Variants in COL5A1 observed in about 807,000 individuals in gnomAD.
The protein encoded by COL5A1 is collagen alpha-1(V) chain.
A neutral mutation model predicts 263.7 loss-of-function variants in COL5A1; 16 were observed. The ratio of observed to expected loss-of-function variants is 0.06; its 90% CI spans 0.04 to 0.09. The LOEUF is 0.09. Among genes scored for constraint, COL5A1 ranks in the 10% least tolerant of loss-of-function variants. The probability of loss-of-function intolerance (pLI) is 1.00; values close to 1 mark genes in which losing one functional copy is unlikely to be tolerated. For missense variants in COL5A1, 2,036 were observed against 2,540.5 expected, an observed-to-expected ratio of 0.80 and a Z score of 4.27; for synonymous variants, 1,012 against 1,004.5, an observed-to-expected ratio of 1.01 and a Z score of -0.14.
At chr9:134,816,867 C>T (rs912807015) in intron 52 of COL5A1, among the ~76,000 whole-genome samples, 159 bp from the exon 53 acceptor site, 7 of 152,162 alleles carry the variant, frequency 4.6e-5, no homozygotes, top group South Asian at 2.1e-4. Flanking sequence ...AGCCCGGGTG[C>T]GACACTGTCT....
At chr9:134,658,625 C>T (rs1288261430) in intron 1 of COL5A1, among the ~76,000 whole-genome samples, 1 of 152,232 alleles carries the variant, frequency 6.6e-6, no homozygotes, top group African/African-American at 2.4e-5. Context: ...AGTCCGAGGG[C>T]AGTGTGGGCC....
Position 134,814,917 on chromosome 9 carries a change from GAC to G in COL5A1, c.4014+18_4014+19del. On this transcript the variant is annotated intron_variant, in intron 50 of 65. Transcript: ENST00000371817. ...CAAAGGCAGCCCTGTGAGTATTCCA[GAC>G]ACACCTCAGGGGCCCTGCAGCAGGG... 1 of 1,540,824 alleles carries G rather than the reference GAC, an allele frequency of 6.5e-7. No homozygotes were observed. The highest frequency in any genetic ancestry group is 8.8e-7 in the Non-Finnish European group (1 of 1,137,972).
At chr9:134,752,365 G>A (rs548167805) in intron 13 of COL5A1, among the ~76,000 whole-genome samples, 2 of 151,166 alleles carry the variant, frequency 1.3e-5, no homozygotes, top group South Asian at 4.2e-4. Flanking sequence ...CCACTGGCTT[G>A]CACCTCTGCA....
intron 42 of COL5A1, chr9:134,808,903 T>A: frequency 1.9e-6 from 1 of 520,668 alleles, no homozygotes; most frequent in Non-Finnish European, 3.5e-6. Flanking sequence ...CTGTCTCTAC[T>A]GCTCACTAAC....
At chr9:134,708,843 T>C (rs1242570978) in intron 4 of COL5A1, 5 of 456,552 alleles carry the variant, frequency 1.1e-5, no homozygotes, top group Non-Finnish European at 1.3e-5. Flanking sequence ...GGCGGGGCCG[T>C]GCTCCCTCTG....
At chr9:134,798,367 C>T in intron 36 of COL5A1, 41 bp from the exon 37 acceptor site, 1 of 1,598,016 alleles carries the variant, frequency 6.3e-7, no homozygotes, top group Non-Finnish European at 8.6e-7. Context: ...GGTTGCTTCT[C>T]AGACACGAAT....
chr9:134,656,402 G>T (rs1831975077), intron 1 of COL5A1, among the ~76,000 whole-genome samples: 1 of 152,202 alleles, frequency 6.6e-6, no homozygotes, highest in African/African-American at 2.4e-5. Flanking sequence ...GACACCGGGA[G>T]CTTCGGAGGC....
chr9:134,728,013 C>G (rs1834724021), intron 5 of COL5A1, among the ~76,000 whole-genome samples: 1 of 152,238 alleles, frequency 6.6e-6, no homozygotes, highest in African/African-American at 2.4e-5. Flanking sequence ...CCCACTGCCT[C>G]TCATTTCTCA....
Position 134,840,640 on chromosome 9 carries a change from C to T in COL5A1, c.5371-1517C>T, listed in dbSNP as rs118085423. ...GTCCATTCGCTGCCACGACAAATCT[C>T]GCCAGCTGCGTGGCTCATAAGCAAC... On this transcript the variant is annotated intron_variant, in intron 65 of 65. Coordinates refer to ENST00000371817, the MANE Select transcript of COL5A1 (RefSeq NM_000093.5). 2.4e-3 allele frequency among the ~76,000 whole-genome samples: 369 copies of T among 152,286 alleles called. 15 individuals are homozygous for T. In the East Asian group the frequency reaches 0.059, roughly 24 times the overall value.
chr9:134,695,601 G>A (rs1833432109), intron 2 of COL5A1, among the ~76,000 whole-genome samples: 1 of 152,156 alleles, frequency 6.6e-6, no homozygotes, highest in Non-Finnish European at 1.5e-5. Context: ...CCACTCCCCT[G>A]TACCCCCATA....
intron 42 of COL5A1, 163 bp from the exon 43 acceptor site, chr9:134,809,020 C>T (rs1335104478): frequency 6.6e-5 from 46 of 693,538 alleles, no homozygotes; most frequent in Middle Eastern, 2.6e-4. Context: ...GGCTCAGAGT[C>T]GGCCCTCAGT....
At chr9:134,734,287 A>C (rs1378751551) in intron 9 of COL5A1, among the ~76,000 whole-genome samples, 1 of 149,494 alleles carries the variant, frequency 6.7e-6, no homozygotes, top group Non-Finnish European at 1.5e-5. Flanking sequence ...GTACAGGAAC[A>C]TCATGGCTCT....
intron 4 of COL5A1, among the ~76,000 whole-genome samples, chr9:134,721,983 C>T (rs1360891898): frequency 6.6e-6 from 1 of 152,236 alleles, no homozygotes; most frequent in African/African-American, 2.4e-5. Flanking sequence ...GCTTCTGCAG[C>T]ACTCTGAGCC....
At chr9:134,810,596 C>T in intron 44 of COL5A1, 1 of 456,424 alleles carries the variant, frequency 2.2e-6, no homozygotes, top group Non-Finnish European at 3.9e-6. Flanking sequence ...TCTGCAGACA[C>T]ACCCATTGCC....
intron 1 of COL5A1, among the ~76,000 whole-genome samples, chr9:134,662,767 T>C (rs1832248560): frequency 6.6e-6 from 1 of 152,214 alleles, no homozygotes; most frequent in Admixed American, 6.5e-5. Flanking sequence ...GGGGACGGGC[T>C]AACTCGCATG....
At chr9:134,817,494 C>T (rs570009590) in intron 53 of COL5A1, among the ~76,000 whole-genome samples, 8 of 152,306 alleles carry the variant, frequency 5.3e-5, no homozygotes, top group South Asian at 2.1e-4. Context: ...ACACAACTCG[C>T]GGCGTGCACT....
chr9:134,842,454 T>A lies in COL5A1; in HGVS notation c.*151T>A. The stretch of plus-strand genomic sequence containing the variant: ...ATCTACGCCTCGGCACCACGGGGTG[T>A]GGGACCCCAGCCCGGAGAGAACAGA... On this transcript the variant is annotated 3_prime_UTR_variant, in exon 66 of 66. Transcript: ENST00000371817. This position sits in a 1 kb window ranked among gnomAD's most constrained non-coding sequence, Gnocchi z 5.8. 1 of 930,174 alleles carries A rather than the reference T, an allele frequency of 1.1e-6. No individual in the cohort carries two copies. The highest frequency in any genetic ancestry group is 1.6e-6 in the Non-Finnish European group (1 of 606,752). 57.6% of individuals were successfully genotyped at this position (930,174 alleles called of 1,614,324 possible).
chr9:134,763,287 C>A, intron 19 of COL5A1, among the ~76,000 whole-genome samples: 1 of 152,222 alleles, frequency 6.6e-6, no homozygotes, highest in Non-Finnish European at 1.5e-5. Context: ...ACTTTCCAGG[C>A]TGTTTAGGAC....
Position 134,754,325 on chromosome 9 carries a change from G to A in COL5A1, c.1826G>A (p.Arg609Gln), listed in dbSNP as rs188430069. The change falls in exon 16 of 66, where the codon CGG (arginine) becomes CAG (glutamine). Residue 609 changes from arginine (R) to glutamine (Q), a missense_variant and splice_region_variant. By Grantham distance (43) the Arg-to-Gln change is conservative (BLOSUM62 1). Transcript: ENST00000371817. This position sits in a 1 kb window ranked among gnomAD's most constrained non-coding sequence, Gnocchi z 4.3. ...PPGPAGKPGR[R>Q]GRAGSDGARG... ...GGTCCGGCCGGGAAGCCCGGAAGAC[G>A]GGTGAGTGGTGCGAGTGTGTGTGGT... 43 of 1,614,044 alleles carry A rather than the reference G, an allele frequency of 2.7e-5. No homozygotes were observed. The highest frequency in any genetic ancestry group is 4.5e-5 in the East Asian group (2 of 44,872).
Sources: gnomAD v4.1 joint callset for allele counts (sites outside exome capture counted in the v4.1 genomes callset) on GRCh38, gnomAD v4.1.1 for gene constraint, Gnocchi (gnomAD v3.1) non-coding constraint, MANE v1.5 for transcripts, NCBI Gene and HGNC (gene_info 2026-07-23, HGNC 2026-07-21) for gene names.